CAPZB: variants seen among roughly 807,000 people sequenced by gnomAD.
The protein encoded by CAPZB is capping actin protein of muscle Z-line subunit beta, also known as F-actin-capping protein subunit beta.
Under a neutral mutation model 38.1 loss-of-function variants are expected in CAPZB, and 2 were observed. The observed-to-expected ratio is 0.05, with a 90% CI of 0.02 to 0.17. CAPZB has a LOEUF of 0.17. CAPZB is among the 10% of genes least tolerant of loss of function. CAPZB has a pLI of 1.00. For synonymous variants in CAPZB, 107 were observed against 127.4 expected, an observed-to-expected ratio of 0.84 and a Z score of 1.08; for missense variants, 161 against 334.2, an observed-to-expected ratio of 0.48 and a Z score of 4.04.
intron 8 of CAPZB, 26 bp downstream of exon 8, chr1:19,344,332 A>T: frequency 6.3e-7 from 1 of 1,588,126 alleles, no homozygotes; most frequent in Non-Finnish European, 8.6e-7. Context: ...GTCTGCTTCT[A>T]AAGCTTGTGC....
intron 8 of CAPZB, chr1:19,342,650 T>G (rs1304588534): frequency 1.4e-6 from 1 of 723,484 alleles, no homozygotes; most frequent in Middle Eastern, 3.7e-4. Context: ...GGGTTAGTGG[T>G]GGTTTAAATG....
At chr1:19,367,092 G>A (rs6703349) in intron 4 of CAPZB, among the ~76,000 whole-genome samples, 7,102 of 152,308 alleles carry the variant, frequency 0.047, 555 homozygotes, top group African/African-American at 0.16. Context: ...GAAGCTGAGC[G>A]CATCCCCTGT....
intron 2 of CAPZB, among the ~76,000 whole-genome samples, chr1:19,400,469 G>A (rs1174620342): frequency 1.3e-5 from 2 of 152,148 alleles, no homozygotes; most frequent in Non-Finnish European, 2.9e-5. Context: ...TCTAAGGGGG[G>A]CGACCCAGGA....
chr1:19,368,993 C>A (rs917396387), intron 4 of CAPZB, among the ~76,000 whole-genome samples: 1 of 152,174 alleles, frequency 6.6e-6, no homozygotes, highest in Non-Finnish European at 1.5e-5. Context: ...ACATGTGCAA[C>A]GGCCCAAACC....
intron 1 of CAPZB, chr1:19,448,949 C>T (rs1429343122): frequency 6.2e-7 from 1 of 1,611,786 alleles, no homozygotes; most frequent in Non-Finnish European, 8.5e-7. Flanking sequence ...AATCGTTTTG[C>T]AGGCAGGGGA....
At chr1:19,446,737 C>T (rs1402058428) in intron 1 of CAPZB, among the ~76,000 whole-genome samples, 1 of 152,000 alleles carries the variant, frequency 6.6e-6, no homozygotes, top group African/African-American at 2.4e-5. Flanking sequence ...GTTTAATTAG[C>T]GAAACTGAAT....
chr1:19,474,613 C>A (rs1489314436), intron 1 of CAPZB, among the ~76,000 whole-genome samples: 2 of 152,172 alleles, frequency 1.3e-5, no homozygotes, highest in Non-Finnish European at 2.9e-5. Flanking sequence ...TGAAGCAGGG[C>A]AGCTTGTAAG....
intron 2 of CAPZB, among the ~76,000 whole-genome samples, chr1:19,391,187 C>T (rs1342859218): frequency 6.6e-6 from 1 of 152,016 alleles, no homozygotes. Context: ...TTCTACTTTG[C>T]CTCTTCCTCT....
chr1:19,465,462 G>A (rs2314147), intron 1 of CAPZB, among the ~76,000 whole-genome samples: 100,841 of 152,088 alleles, frequency 0.66, 33,894 homozygotes, highest in Middle Eastern at 0.77. Flanking sequence ...TTCAGTTTAA[G>A]GTATTTGTTC....
At position 19,373,536 on chromosome 1, in the gene CAPZB, C is replaced by T. The variant is rs139891970; in HGVS notation, c.329+5004G>A. Among the ~76,000 whole-genome samples, 262 of 152,218 alleles carry T rather than the reference C, an allele frequency of 1.7e-3. 1 individual carries two copies. Among genetic ancestry groups the T allele is most frequent in the African/African-American group, 5.2e-3 (214 of 41,530 alleles). The stretch of plus-strand genomic sequence containing the variant: ...ATCCAGTGAAGAAGATTTTTCTCTC[C>T]GGTGGCAGAGGGAGCCTCTGGGGAG... On this transcript the variant is annotated intron_variant, in intron 4 of 8. Coordinates refer to ENST00000264202, the MANE Select transcript of CAPZB (RefSeq NM_004930.5).
chr1:19,360,897 T>C (rs1033546903), intron 4 of CAPZB, among the ~76,000 whole-genome samples: 3 of 152,198 alleles, frequency 2.0e-5, no homozygotes, highest in Admixed American at 6.5e-5. Context: ...TTTTAAAACT[T>C]ACTGCAGGAA....
chr1:19,343,201 G>A (rs2093942007), intron 8 of CAPZB, among the ~76,000 whole-genome samples: 1 of 152,226 alleles, frequency 6.6e-6, no homozygotes, highest in Non-Finnish European at 1.5e-5. Context: ...TAACGCCAGG[G>A]ACCACTGGGC....
chr1:19,464,687 T>C (rs995567307), intron 1 of CAPZB, among the ~76,000 whole-genome samples: 1 of 152,168 alleles, frequency 6.6e-6, no homozygotes, highest in African/African-American at 2.4e-5. Context: ...GTCCATACCA[T>C]GGAATACTAT....
chr1:19,354,328 G>C (rs957254372), intron 6 of CAPZB, among the ~76,000 whole-genome samples: 2 of 152,242 alleles, frequency 1.3e-5, no homozygotes, highest in South Asian at 2.1e-4. Flanking sequence ...GTTTTTCCAA[G>C]GCTCCTCTGG....
At chr1:19,470,588 G>T (rs1388014570) in intron 1 of CAPZB, among the ~76,000 whole-genome samples, 1 of 152,178 alleles carries the variant, frequency 6.6e-6, no homozygotes, top group Non-Finnish European at 1.5e-5. Flanking sequence ...CTAGATTCTA[G>T]AGTGTTAGAC....
intron 1 of CAPZB, among the ~76,000 whole-genome samples, chr1:19,435,420 A>G (rs758640640): frequency 1.7e-4 from 26 of 152,166 alleles, no homozygotes; most frequent in Non-Finnish European, 3.7e-4. Flanking sequence ...ATAACTAGGA[A>G]CTAAGCCCAG....
chr1:19,360,050 C>T (rs547816141), intron 4 of CAPZB, among the ~76,000 whole-genome samples: 1 of 152,176 alleles, frequency 6.6e-6, no homozygotes, highest in Non-Finnish European at 1.5e-5. Flanking sequence ...CTGCAATGTT[C>T]CTGGAACACC....
At chr1:19,344,318 C>T in intron 8 of CAPZB, 40 bp downstream of exon 8, 2 of 1,542,132 alleles carry the variant, frequency 1.3e-6, no homozygotes, top group Admixed American at 3.3e-5. Context: ...GTTCAAATCC[C>T]TCTGTCTGCT....
intron 1 of CAPZB, among the ~76,000 whole-genome samples, chr1:19,481,994 G>A (rs2094630899): frequency 6.6e-6 from 1 of 152,158 alleles, no homozygotes; most frequent in South Asian, 2.1e-4. Context: ...ACATTATCCT[G>A]TAGCTGCAGG....
Sources: gnomAD v4.1 joint callset for allele counts (sites outside exome capture counted in the v4.1 genomes callset) on GRCh38, gnomAD v4.1.1 for gene constraint, MANE v1.5 for transcripts, NCBI Gene and HGNC (gene_info 2026-07-23, HGNC 2026-07-21) for gene names.